KCNMA1: variants seen among roughly 807,000 people sequenced by gnomAD.
KCNMA1 encodes Calcium-activated potassium channel subunit alpha-1.
KCNMA1 carries 29 observed loss-of-function variants against 140.0 expected under a neutral mutation model. That is an observed-to-expected ratio of 0.21 (90% CI 0.15 to 0.28). The LOEUF is 0.28. Among genes scored for constraint, KCNMA1 ranks in the 10% least tolerant of loss-of-function variants. The pLI is 1.00. For missense variants in KCNMA1, 880 were observed against 1,602.2 expected (o/e 0.55, Z 7.70); for synonymous variants, 612 against 611.9 (o/e 1.00, Z 0.00).
chr10:76,952,052 T>C (rs1268269397), intron 21 of KCNMA1: 2 of 1,552,152 alleles, frequency 1.3e-6, no homozygotes, highest in African/African-American at 2.7e-5. Context: ...TAAACTTTTT[T>C]ATGCTGGCAG....
At chr10:76,876,086 C>T (rs1387500385), downstream of KCNMA1, 1 of 152,602 alleles carries the variant, frequency 6.6e-6, no homozygotes, top group Non-Finnish European at 1.5e-5. Context: ...GGTGGAAGCT[C>T]ATTTTGCCTA....
At chr10:77,559,791 G>A (rs2065762610) in intron 1 of KCNMA1, among the ~76,000 whole-genome samples, 1 of 152,156 alleles carries the variant, frequency 6.6e-6, no homozygotes, top group South Asian at 2.1e-4. Flanking sequence ...ACACAGAGTA[G>A]GGTGCCACTG....
chr10:77,135,711 TATATTAAG>T (rs1210380540), intron 5 of KCNMA1, among the ~76,000 whole-genome samples: 1 of 152,316 alleles, frequency 6.6e-6, no homozygotes, highest in East Asian at 1.9e-4. Flanking sequence ...ACCTAAAGTT[TATATTAAG>T]TTAAATAAGC....
intron 1 of KCNMA1, among the ~76,000 whole-genome samples, chr10:77,417,562 T>A (rs541381508): frequency 2.6e-5 from 4 of 152,202 alleles, no homozygotes; most frequent in Non-Finnish European, 5.9e-5. Flanking sequence ...TGAGATCAGA[T>A]GACATGGAGC....
chr10:77,247,197 T>C (rs897278521), intron 3 of KCNMA1, among the ~76,000 whole-genome samples: 3 of 152,168 alleles, frequency 2.0e-5, no homozygotes, highest in Admixed American at 6.6e-5. Context: ...ATCAAAGGAA[T>C]AAATATCTTC....
chr10:77,155,682 G>T (rs779570583), intron 5 of KCNMA1, among the ~76,000 whole-genome samples: 20 of 152,064 alleles, frequency 1.3e-4, no homozygotes, highest in Non-Finnish European at 2.5e-4. Flanking sequence ...CCACCATTAC[G>T]ATCTGAACTA....
chr10:76,940,198 T>A (rs2061598018), intron 23 of KCNMA1, among the ~76,000 whole-genome samples: 1 of 152,236 alleles, frequency 6.6e-6, no homozygotes, highest in Non-Finnish European at 1.5e-5. Context: ...ACCTTTTCTG[T>A]AATTGTTTTT....
chr10:77,259,508 C>T (rs2061510683), intron 2 of KCNMA1, among the ~76,000 whole-genome samples: 1 of 152,112 alleles, frequency 6.6e-6, no homozygotes. Context: ...AAAAAAAAAT[C>T]CTTGACAGAG....
chr10:77,050,858 T>C (rs2095337203), intron 14 of KCNMA1, among the ~76,000 whole-genome samples: 1 of 152,228 alleles, frequency 6.6e-6, no homozygotes, highest in South Asian at 2.1e-4. Flanking sequence ...TATTGCTAGA[T>C]ATTGGAGCCA....
chr10:77,126,843 A>G (rs1313664308), intron 5 of KCNMA1, among the ~76,000 whole-genome samples: 1 of 151,922 alleles, frequency 6.6e-6, no homozygotes, highest in East Asian at 1.9e-4. Flanking sequence ...AGGCAGCTGC[A>G]GCCAGCCTGA....
intron 1 of KCNMA1, among the ~76,000 whole-genome samples, chr10:77,410,751 A>T (rs2096600566): frequency 1.3e-5 from 2 of 152,130 alleles, no homozygotes; most frequent in Non-Finnish European, 2.9e-5. Context: ...AGGACATTCC[A>T]GACCCAGTCC....
At chr10:77,537,028 C>T (rs16934960) in intron 1 of KCNMA1, among the ~76,000 whole-genome samples, 11,269 of 152,142 alleles carry the variant, frequency 0.074, 1,165 homozygotes, top group African/African-American at 0.23. Flanking sequence ...TCATTTCCTT[C>T]GTAGGTTCAG....
At chr10:76,931,196 A>ATGGATG (rs1248640375) in intron 23 of KCNMA1, among the ~76,000 whole-genome samples, 1 of 152,126 alleles carries the variant, frequency 6.6e-6, no homozygotes, top group Non-Finnish European at 1.5e-5. Context: ...ATGGGAGATG[A>ATGGATG]TGGATGTGTT....
chr10:77,076,975 A>G (rs2096417681), intron 13 of KCNMA1, among the ~76,000 whole-genome samples: 1 of 152,202 alleles, frequency 6.6e-6, no homozygotes, highest in South Asian at 2.1e-4. Context: ...CCTTTCCTGA[A>G]AGCAAATTGT....
At chr10:77,112,185 T>G (rs1332704231) in intron 7 of KCNMA1, among the ~76,000 whole-genome samples, 182 bp downstream of exon 7, 1 of 152,204 alleles carries the variant, frequency 6.6e-6, no homozygotes, top group Non-Finnish European at 1.5e-5. Flanking sequence ...TTACTCACCA[T>G]TTGGAACTAG....
At position 77,382,990 on chromosome 10, in the gene KCNMA1, GTGTGTATATA is replaced by G. The variant is rs1157765036; in HGVS notation, c.540+20862_540+20871del. Among the ~76,000 whole-genome samples, 43 of 42,588 alleles carry G rather than the reference GTGTGTATATA, an allele frequency of 1.0e-3. No homozygotes were observed. In the South Asian group the frequency reaches 0.021, roughly 21 times the overall value. The allele number at this position is 42,588 out of a possible 152,430, so 27.9% of individuals were successfully genotyped here. On this transcript the variant is annotated intron_variant, in intron 2 of 27. Transcript: ENST00000286628. Reference sequence around the variant, plus strand: ...TGTGTGTGTGTGTGTGTGTGTGTGTGTGTGTATATATATATATATATATATATATATATAT... The same window carrying G: ...TGTGTGTGTGTGTGTGTGTGTGTGTGTATATATATATATATATATATATAT...
At chr10:77,578,611 C>T (rs938082520) in intron 1 of KCNMA1, among the ~76,000 whole-genome samples, 3 of 152,222 alleles carry the variant, frequency 2.0e-5, no homozygotes, top group African/African-American at 7.2e-5. Flanking sequence ...CTCTCACCAC[C>T]TCCTGGAGCC....
At chr10:77,029,733 G>A (rs1221056129) in intron 15 of KCNMA1, among the ~76,000 whole-genome samples, 3 of 152,186 alleles carry the variant, frequency 2.0e-5, no homozygotes, top group Non-Finnish European at 4.4e-5. Context: ...GAAGATATGG[G>A]GAAAGAGCTT....
intron 1 of KCNMA1, among the ~76,000 whole-genome samples, chr10:77,526,465 C>T (rs1169602107): frequency 6.6e-6 from 1 of 152,196 alleles, no homozygotes; most frequent in African/African-American, 2.4e-5. Context: ...GGAGGTTACC[C>T]TTTCAAATAA....
Sources: gnomAD v4.1 joint callset for allele counts (sites outside exome capture counted in the v4.1 genomes callset) on GRCh38, gnomAD v4.1.1 for gene constraint, MANE v1.5 for transcripts, NCBI Gene and HGNC (gene_info 2026-07-23, HGNC 2026-07-21) for gene names.